PDE2A: variants seen among roughly 807,000 people sequenced by gnomAD.
The protein encoded by PDE2A is cGMP-dependent 3',5'-cyclic phosphodiesterase.
A neutral mutation model predicts 133.6 loss-of-function variants in PDE2A; 53 were observed. The observed-to-expected ratio is 0.40, with a 90% CI of 0.32 to 0.50. The LOEUF is 0.50. Ranked by LOEUF, PDE2A falls within the 20% of genes least tolerant of loss-of-function variation. The probability of loss-of-function intolerance (pLI) is 0.73; values close to 1 mark genes in which losing one functional copy is unlikely to be tolerated. For synonymous variants in PDE2A, 491 were observed against 490.2 expected (o/e 1.00, Z -0.02); for missense variants, 796 against 1,232.4 (o/e 0.65, Z 5.30).
intron 4 of PDE2A, among the ~76,000 whole-genome samples, chr11:72,603,920 G>A (rs1856860975): frequency 6.6e-6 from 1 of 152,156 alleles, no homozygotes; most frequent in African/African-American, 2.4e-5. Flanking sequence ...GCACAAGGAG[G>A]GGCCTCAGGA....
intron 1 of PDE2A, among the ~76,000 whole-genome samples, chr11:72,667,225 C>T (rs925028814): frequency 6.6e-6 from 1 of 152,210 alleles, no homozygotes; most frequent in Non-Finnish European, 1.5e-5. Flanking sequence ...ATATGCACAA[C>T]TGGAAGCTCA....
chr11:72,611,014 C>T (rs998762082), intron 2 of PDE2A, among the ~76,000 whole-genome samples: 4 of 152,178 alleles, frequency 2.6e-5, no homozygotes, highest in Non-Finnish European at 5.9e-5. Flanking sequence ...ATGCACGCTC[C>T]CCAGACGGGG....
intron 3 of PDE2A, 144 bp from the exon 4 acceptor site, chr11:72,605,370 G>T (rs531430441): frequency 2.2e-6 from 1 of 450,876 alleles, no homozygotes; most frequent in Non-Finnish European, 3.9e-6. Flanking sequence ...TTTCTCTCCA[G>T]GTGATTCTAA....
At position 72,591,319 on chromosome 11, in the gene PDE2A, C is replaced by T. The variant is rs758942499; in HGVS notation, c.527G>A (p.Ser176Asn). 1.9e-6 allele frequency: 3 copies of T among 1,613,868 alleles called. No individual in the cohort carries two copies. In the South Asian group the frequency reaches 3.3e-5, roughly 18 times the overall value. ...CACATGCTTCTCCACCGCCTGCAGGCTCCATTCCTCATTATCACTCAGCTG... is the reference window on the plus strand; with the variant it reads ...CACATGCTTCTCCACCGCCTGCAGGTTCCATTCCTCATTATCACTCAGCTG... ...CGQLSDNEEW[S>N]LQAVEKHTLV... Residue 176 changes from serine to asparagine, a missense_variant, in exon 7 of 31, where the codon AGC becomes AAC. Coordinates refer to ENST00000334456, the MANE Select transcript of PDE2A (RefSeq NM_002599.5).
At chr11:72,646,722 G>A (rs1859136500) in intron 1 of PDE2A, among the ~76,000 whole-genome samples, 1 of 152,140 alleles carries the variant, frequency 6.6e-6, no homozygotes, top group African/African-American at 2.4e-5. Context: ...AGCCATGCCT[G>A]ACTCAGCTGT....
chr11:72,613,405 G>A (rs1591069851), intron 2 of PDE2A, among the ~76,000 whole-genome samples: 1 of 151,624 alleles, frequency 6.6e-6, no homozygotes, highest in East Asian at 1.9e-4. Context: ...TTCTGTAAAG[G>A]GAAGGGTCCT....
chr11:72,585,180 G>A (rs1855909066), intron 16 of PDE2A, 191 bp downstream of exon 16: 1 of 649,974 alleles, frequency 1.5e-6, no homozygotes, highest in African/African-American at 1.8e-5. Flanking sequence ...AGGATCCAAA[G>A]CCAGCCCTGT....
At chr11:72,664,519 G>GCC (rs367913477) in intron 1 of PDE2A, among the ~76,000 whole-genome samples, 2 of 145,330 alleles carry the variant, frequency 1.4e-5, no homozygotes, top group Non-Finnish European at 3.0e-5. Flanking sequence ...GACTACAGGC[G>GCC]CCCCCCACCA....
chr11:72,592,367 G>A (rs1856289949), intron 6 of PDE2A, among the ~76,000 whole-genome samples: 1 of 152,172 alleles, frequency 6.6e-6, no homozygotes, highest in Non-Finnish European at 1.5e-5. Flanking sequence ...CCTCAGCTCT[G>A]GGTCTCCTGC....
At chr11:72,608,062 A>T (rs1857049062) in intron 3 of PDE2A, among the ~76,000 whole-genome samples, 1 of 152,162 alleles carries the variant, frequency 6.6e-6, no homozygotes, top group African/African-American at 2.4e-5. Flanking sequence ...CAATCTCCCC[A>T]GTAAGGCACT....
intron 2 of PDE2A, among the ~76,000 whole-genome samples, chr11:72,626,037 C>T (rs1858047210): frequency 6.6e-6 from 1 of 152,248 alleles, no homozygotes; most frequent in African/African-American, 2.4e-5. Context: ...CGCCTCTATG[C>T]CAGCTCCTGC....
chr11:72,631,771 A>G (rs912030084), intron 2 of PDE2A, among the ~76,000 whole-genome samples: 1 of 152,158 alleles, frequency 6.6e-6, no homozygotes, highest in Non-Finnish European at 1.5e-5. Flanking sequence ...GACACAACAG[A>G]GACCTGCTCA....
chr11:72,646,533 A>C (rs1411977577), intron 1 of PDE2A, among the ~76,000 whole-genome samples: 1 of 152,198 alleles, frequency 6.6e-6, no homozygotes, highest in African/African-American at 2.4e-5. Flanking sequence ...ATAAGCAGCT[A>C]CTATGTAGCC....
Position 72,590,040 on chromosome 11 carries a change from C to A in PDE2A, c.757-59G>T. ...CGCGGATCCGGGTCACCCCACTCCC[C>A]ACCTGCTCCCCTCTCCGGGGCTCTT... On this transcript the variant is annotated intron_variant, in intron 9 of 30. Transcript: ENST00000334456. This position sits in a 1 kb window ranked among gnomAD's most constrained non-coding sequence, Gnocchi z 4.8. The A allele has an allele frequency of 6.8e-7, 1 of 1,474,564 alleles. No individual in the cohort carries two copies. Among genetic ancestry groups the A allele is most frequent in the Non-Finnish European group, 9.3e-7 (1 of 1,075,864 alleles). 91.3% of individuals were successfully genotyped at this position (1,474,564 alleles called of 1,614,324 possible).
intron 2 of PDE2A, among the ~76,000 whole-genome samples, chr11:72,620,609 C>T (rs550432896): frequency 6.6e-6 from 1 of 152,290 alleles, no homozygotes; most frequent in South Asian, 2.1e-4. Flanking sequence ...AAGACAGGCA[C>T]TTTGACACCT....
chr11:72,607,968 G>T (rs991832587), intron 3 of PDE2A, among the ~76,000 whole-genome samples: 1 of 152,100 alleles, frequency 6.6e-6, no homozygotes, highest in Non-Finnish European at 1.5e-5. Context: ...TCAAGGGCTG[G>T]TTTACCCATC....
rs914337880 is a variant in PDE2A, at chr11:72,582,359, C to T, written c.1851+85G>A. The T allele has an allele frequency of 5.2e-6, 7 of 1,348,018 alleles. No individual in the cohort carries two copies. The African/African-American group carries it at 5.8e-5, about 11-fold the overall frequency. 83.5% of individuals were successfully genotyped at this position (1,348,018 alleles called of 1,614,324 possible). ...AGCCTTCCTTGATGACTCTGTCTTC[C>T]CAGGAAGTTCTTGATGCGCATTTAA... On this transcript the variant is annotated intron_variant, in intron 21 of 30. Coordinates refer to ENST00000334456, the MANE Select transcript of PDE2A (RefSeq NM_002599.5).
intron 2 of PDE2A, among the ~76,000 whole-genome samples, chr11:72,611,495 A>G (rs539244685): frequency 5.3e-5 from 8 of 152,276 alleles, no homozygotes; most frequent in African/African-American, 1.9e-4. Flanking sequence ...CTTTACTGGA[A>G]TTGGTGGGTG....
At position 72,587,626 on chromosome 11, in the gene PDE2A, C is replaced by A. The variant is rs541574737; in HGVS notation, c.1070+1158G>T. ...CACTCTACCTTCCCTTCCCCAAAGG[C>A]CTTCCCAAGGCCATCTGGTCAGCAC... On this transcript the variant is annotated intron_variant, in intron 13 of 30. Transcript: ENST00000334456. 1.9e-4 allele frequency among the ~76,000 whole-genome samples: 29 copies of A among 152,204 alleles called. 1 individual carries two copies. Among genetic ancestry groups the A allele is most frequent in the African/African-American group, 6.8e-4 (28 of 41,442 alleles).
Sources: gnomAD v4.1 joint callset for allele counts (sites outside exome capture counted in the v4.1 genomes callset) on GRCh38, gnomAD v4.1.1 for gene constraint, Gnocchi (gnomAD v3.1) non-coding constraint, MANE v1.5 for transcripts, NCBI Gene and HGNC (gene_info 2026-07-23, HGNC 2026-07-21) for gene names.